ISCA1: variants seen among roughly 807,000 people sequenced by gnomAD.
ISCA1 encodes iron-sulfur cluster assembly 1, also known as iron-sulfur cluster assembly 1 homolog, mitochondrial.
In ISCA1, 9 loss-of-function variants were observed where a neutral mutation model predicts 14.7. The ratio of observed to expected loss-of-function variants is 0.61; its 90% CI spans 0.37 to 1.07. The LOEUF (loss-of-function observed/expected upper bound fraction) is 1.07. ISCA1 is among the 50% of genes least tolerant of loss of function. The probability of loss-of-function intolerance (pLI) is 0.01; values close to 1 mark genes in which losing one functional copy is unlikely to be tolerated. For missense variants in ISCA1, 102 were observed against 150.1 expected, an observed-to-expected ratio of 0.68 and a Z score of 1.67; for synonymous variants, 38 against 54.3, an observed-to-expected ratio of 0.70 and a Z score of 1.32.
At chr9:86,266,532 TA>T (rs957410981) in intron 3 of ISCA1, among the ~76,000 whole-genome samples, 4 of 151,684 alleles carry the variant, frequency 2.6e-5, no homozygotes, top group African/African-American at 9.7e-5. Context: ...TTTTATGAAA[TA>T]AAAAAAAATT....
At chr9:86,281,305 C>T (rs1311852416) in intron 1 of ISCA1, among the ~76,000 whole-genome samples, 2 of 152,202 alleles carry the variant, frequency 1.3e-5, no homozygotes, top group Non-Finnish European at 2.9e-5. Context: ...AATTCTCTCA[C>T]CTGATCACAA....
chr9:86,272,123 A>G lies in ISCA1; in HGVS notation c.136-11T>C. 2 of 1,503,882 alleles carry G rather than the reference A, an allele frequency of 1.3e-6. No individual in the cohort carries two copies. Among genetic ancestry groups the G allele is most frequent in the Non-Finnish European group, 1.9e-6 (2 of 1,080,934 alleles). 93.2% of individuals were successfully genotyped at this position (1,503,882 alleles called of 1,614,324 possible). ...AACTTTTACACCTACCTGAAAAAGA[A>G]GTGAAAATATAAACTTGGTTTTAAA... is the stretch of plus-strand genomic sequence containing the variant. On this transcript the variant is annotated splice_polypyrimidine_tract_variant and intron_variant, in intron 2 of 3. Coordinates refer to ENST00000375991, the MANE Select transcript of ISCA1 (RefSeq NM_030940.4).
At chr9:86,273,056 T>G in intron 2 of ISCA1, among the ~76,000 whole-genome samples, 1 of 152,214 alleles carries the variant, frequency 6.6e-6, no homozygotes, top group East Asian at 1.9e-4. Flanking sequence ...AAAGCCGAAT[T>G]CTTGTTTCAT....
rs993942344 is a variant in ISCA1 at position 86,265,701 on chromosome 9, G to A, written c.*342C>T. The A allele has an allele frequency of 1.8e-5, 5 of 278,172 alleles. No homozygotes were observed. In the South Asian group the frequency reaches 2.4e-4, roughly 13 times the overall value. The allele number at this position is 278,172 out of a possible 1,614,324, so 17.2% of individuals were successfully genotyped here. A position where few individuals can be genotyped will look rare whatever the true frequency, so the allele number is the denominator to read the frequency against. ...GATTTTAGGAGTCACCGATCTGGTT[G>A]GGAGAAATGCTGAGGGATGATCAAG... On this transcript the variant is annotated 3_prime_UTR_variant, in exon 4 of 4. Coordinates refer to ENST00000375991, the MANE Select transcript of ISCA1 (RefSeq NM_030940.4).
intron 1 of ISCA1, among the ~76,000 whole-genome samples, chr9:86,280,556 C>A (rs1348044253): frequency 6.8e-6 from 1 of 147,064 alleles, no homozygotes. Flanking sequence ...GATCACGCCA[C>A]TGCACTCCAG....
Position 86,266,147 on chromosome 9 carries a change from C to G in ISCA1, c.286G>C (p.Gly96Arg). The change falls in exon 4 of 4, where the codon GGA becomes CGA. Residue 96 changes from glycine (G) to arginine (R), a missense_variant. Coordinates refer to ENST00000375991, the MANE Select transcript of ISCA1 (RefSeq NM_030940.4). ...TCTTCAACATAGTCCATTTCTGTTCCTAAAAGTGTTAGCTGTGCTTTCTTT... is the reference window on the plus strand; with the variant it reads ...TCTTCAACATAGTCCATTTCTGTTCGTAAAAGTGTTAGCTGTGCTTTCTTT... ...IEKKAQLTLLGTEMDYVEDKL... is the reference protein window; with the variant it reads ...IEKKAQLTLLRTEMDYVEDKL... The G allele has an allele frequency of 6.2e-7, 1 of 1,611,822 alleles. No individual in the cohort carries two copies. Among genetic ancestry groups the G allele is most frequent in the Non-Finnish European group, 8.5e-7 (1 of 1,179,174 alleles).
At chr9:86,268,327 A>AT (rs1336459462) in intron 3 of ISCA1, among the ~76,000 whole-genome samples, 1 of 152,000 alleles carries the variant, frequency 6.6e-6, no homozygotes, top group Admixed American at 6.6e-5. Flanking sequence ...TTAGTTTTTA[A>AT]TTAAAATGTT....
At chr9:86,282,182 C>T in intron 1 of ISCA1, 196 bp downstream of exon 1, 3 of 624,876 alleles carry the variant, frequency 4.8e-6, no homozygotes, top group South Asian at 4.3e-5. Flanking sequence ...AGAGCAGCCC[C>T]GCCCGGGACT....
At chr9:86,281,992 C>T (rs529933696) in intron 1 of ISCA1, 2 of 202,970 alleles carry the variant, frequency 9.9e-6, no homozygotes, top group African/African-American at 4.7e-5. Flanking sequence ...CTCCGGGCCA[C>T]CACCGGGAAC....
chr9:86,282,245 G>A, intron 1 of ISCA1, 133 bp downstream of exon 1: 2 of 954,454 alleles, frequency 2.1e-6, no homozygotes, highest in South Asian at 3.6e-5. Flanking sequence ...GAGGCTGTGC[G>A]GCGGGTCGGA....
chr9:86,282,263 C>T (rs1485626196), intron 1 of ISCA1, 115 bp downstream of exon 1: 2 of 1,166,446 alleles, frequency 1.7e-6, no homozygotes, highest in Non-Finnish European at 2.4e-6. Context: ...GGAGCGACGC[C>T]GAGGTCTGAC....
chr9:86,273,095 C>T (rs990424386), intron 2 of ISCA1, among the ~76,000 whole-genome samples: 1 of 152,204 alleles, frequency 6.6e-6, no homozygotes, highest in African/African-American at 2.4e-5. Context: ...ACTCATCGGT[C>T]TATCCAAATT....
chr9:86,282,371 C>A lies in ISCA1; in HGVS notation c.81+7G>T. 6.5e-7 allele frequency: 1 copy of A among 1,542,122 alleles called. No individual in the cohort carries two copies. The highest frequency in any genetic ancestry group is 1.2e-5 in the South Asian group (1 of 83,946). ...CACGGGCCCCGCCGCGCGCCGCGAGCACTCACCAGGGTGAGGGCTGCCCGG... is the reference window on the plus strand; with the variant it reads ...CACGGGCCCCGCCGCGCGCCGCGAGAACTCACCAGGGTGAGGGCTGCCCGG... On this transcript the variant is annotated splice_region_variant and intron_variant, in intron 1 of 3. Transcript: ENST00000375991.
chr9:86,272,611 C>T (rs1170581440), intron 2 of ISCA1, among the ~76,000 whole-genome samples: 1 of 152,322 alleles, frequency 6.6e-6, no homozygotes. Context: ...AATTTTCAAA[C>T]AGTATCTACC....
At chr9:86,278,284 A>G (rs1029742136) in intron 1 of ISCA1, among the ~76,000 whole-genome samples, 1 of 152,232 alleles carries the variant, frequency 6.6e-6, no homozygotes, top group African/African-American at 2.4e-5. Flanking sequence ...GAGTGTCAAA[A>G]TAAGAAAAGA....
intron 3 of ISCA1, chr9:86,267,308 T>A: frequency 1.2e-6 from 1 of 815,740 alleles, no homozygotes; most frequent in African/African-American, 1.9e-5. Flanking sequence ...AAACAATATA[T>A]AATTAAGTCA....
At chr9:86,277,197 C>A (rs1825449344) in intron 1 of ISCA1, among the ~76,000 whole-genome samples, 1 of 152,260 alleles carries the variant, frequency 6.6e-6, no homozygotes, top group East Asian at 1.9e-4. Context: ...TACTTATCAC[C>A]AAGTTGCTGA....
intron 1 of ISCA1, chr9:86,282,172 A>T: frequency 1.7e-6 from 1 of 594,622 alleles, no homozygotes; most frequent in Non-Finnish European, 2.8e-6. Context: ...CGGGGCCAAG[A>T]GAGCAGCCCC....
intron 2 of ISCA1, among the ~76,000 whole-genome samples, chr9:86,273,986 T>G (rs1294579620): frequency 6.6e-6 from 1 of 152,244 alleles, no homozygotes; most frequent in East Asian, 1.9e-4. Flanking sequence ...GAAGGAAGAA[T>G]GACGACGAAG....
Sources: allele counts gnomAD v4.1 joint callset (sites outside exome capture counted in the v4.1 genomes callset), GRCh38; gene constraint gnomAD v4.1.1; transcripts MANE v1.5; gene names NCBI Gene and HGNC (gene_info 2026-07-23, HGNC 2026-07-21).